The following DPP3 variants were observed in gnomAD, a reference collection of about 807,000 sequenced individuals.
DPP3 encodes the protein DPP III.
Under a neutral mutation model 89.8 loss-of-function variants are expected in DPP3, and 64 were observed. The observed-to-expected ratio is 0.71, with a 90% CI of 0.58 to 0.88. The LOEUF (loss-of-function observed/expected upper bound fraction) is 0.88. Among genes scored for constraint, DPP3 ranks in the 40% least tolerant of loss-of-function variants. The pLI is 0.00. For synonymous variants in DPP3, 377 were observed against 404.3 expected (o/e 0.93, Z 0.81); for missense variants, 835 against 972.5 (o/e 0.86, Z 1.88).
At chr11:66,503,506 G>T (rs1436281846) in intron 16 of DPP3, among the ~76,000 whole-genome samples, 1 of 152,174 alleles carries the variant, frequency 6.6e-6, no homozygotes, top group African/African-American at 2.4e-5. Flanking sequence ...GCCTGTAAGT[G>T]ACAGGGCCCA....
chr11:66,502,231 A>G (rs1453729101), intron 16 of DPP3, among the ~76,000 whole-genome samples: 1 of 151,966 alleles, frequency 6.6e-6, no homozygotes, highest in Non-Finnish European at 1.5e-5. Context: ...GTTTCCTTAG[A>G]TGGGGACAGC....
In DPP3 at chr11:66,495,195, G is replaced by C; in HGVS notation, c.1390-11G>C. 1 of 1,612,260 alleles carries C rather than the reference G, an allele frequency of 6.2e-7. No homozygotes were observed. The highest frequency in any genetic ancestry group is 8.5e-7 in the Non-Finnish European group (1 of 1,180,012). ...GGGGCGCCTTTCCCTCACCCACCGT[G>C]TGTTCTGCAGGACGAAAAAGGAGCA... On this transcript the variant is annotated splice_polypyrimidine_tract_variant and intron_variant, in intron 12 of 17. Transcript: ENST00000531863.
chr11:66,501,344 G>C lies in DPP3; in HGVS notation c.1879-3268G>C, dbSNP rs1006596759. On this transcript the variant is annotated intron_variant, in intron 16 of 17. Transcript: ENST00000531863. ...TGCTGCACTCCAGCCTGGGCAACAA[G>C]AGTGAAAATTACGTCTCAAAAAAAA... 2.1e-4 allele frequency among the ~76,000 whole-genome samples: 32 copies of C among 150,758 alleles called. 1 individual carries two copies. Among genetic ancestry groups the C allele is most frequent in the Admixed American group, 9.9e-4 (15 of 15,088 alleles).
At chr11:66,488,998 T>G (rs1192143598) in intron 6 of DPP3, among the ~76,000 whole-genome samples, 1 of 152,214 alleles carries the variant, frequency 6.6e-6, no homozygotes, top group African/African-American at 2.4e-5. Context: ...CCCCAGTAGC[T>G]GGGATTGCAG....
At position 66,489,862 on chromosome 11, in the gene DPP3, G is replaced by A. The variant is rs375863945; in HGVS notation, c.668-1391G>A. Among the ~76,000 whole-genome samples the A allele has an allele frequency of 3.9e-5, 6 of 152,284 alleles. No homozygotes were observed. In the East Asian group the frequency reaches 7.7e-4, roughly 20 times the overall value. ...CTCATGTGGCACCCTCCTATTGTTC[G>A]TGGTAGCTGGGCTCCAAGAGTGAGC... On this transcript the variant is annotated intron_variant, in intron 6 of 17. Transcript: ENST00000531863.
chr11:66,488,565 G>GAA (rs1040646975), intron 6 of DPP3, among the ~76,000 whole-genome samples: 8 of 104,416 alleles, frequency 7.7e-5, no homozygotes, highest in Admixed American at 1.1e-4. Context: ...CCAGATCAAG[G>GAA]AAAAAAAAAA....
intron 2 of DPP3, 113 bp downstream of exon 2, chr11:66,482,583 C>A: frequency 7.0e-7 from 1 of 1,429,016 alleles, no homozygotes; most frequent in Non-Finnish European, 9.4e-7. Flanking sequence ...CCAAAGGTTA[C>A]AAATTCAGGC....
intron 3 of DPP3, among the ~76,000 whole-genome samples, chr11:66,485,927 C>A (rs891896479): frequency 6.6e-6 from 1 of 150,428 alleles, no homozygotes; most frequent in Admixed American, 6.6e-5. Flanking sequence ...CTTTTCTTTT[C>A]TTTTCTTTTC....
At chr11:66,486,509 G>A (rs1216360171) in intron 3 of DPP3, 31 bp from the exon 4 acceptor site, 1 of 1,479,224 alleles carries the variant, frequency 6.8e-7, no homozygotes. Context: ...TGGGTGGTGT[G>A]ACTGGGCCAT....
chr11:66,505,725 A>G (rs971560863), intron 17 of DPP3, among the ~76,000 whole-genome samples: 18 of 151,508 alleles, frequency 1.2e-4, no homozygotes, highest in African/African-American at 4.1e-4. Flanking sequence ...GCCCCTGCCT[A>G]TAGTCCCAGC....
chr11:66,505,772 C>T (rs1855784277), intron 17 of DPP3, among the ~76,000 whole-genome samples: 1 of 144,078 alleles, frequency 6.9e-6, no homozygotes, highest in South Asian at 2.2e-4. Context: ...TGCTTGAGCC[C>T]AGGAGTTCAA....
chr11:66,495,606 G>T (rs1855513286), intron 14 of DPP3, 24 bp from the exon 15 acceptor site: 1 of 1,613,962 alleles, frequency 6.2e-7, no homozygotes, highest in African/African-American at 1.3e-5. Context: ...TGACCATCCT[G>T]CCACCTGCCT....
chr11:66,491,758 T>A lies in DPP3; in HGVS notation c.988+2T>A, dbSNP rs770984414. On this transcript the variant is annotated splice_donor_variant, in intron 9 of 17. Transcript: ENST00000531863. LOFTEE classifies it high-confidence loss of function. ...TTGGTTCCCGAGGAGAATTTGAAGG[T>A]AACTTCCTCAGGGAGGAGGTCAGTC... is the stretch of plus-strand genomic sequence containing the variant. The A allele has an allele frequency of 6.2e-7, 1 of 1,612,832 alleles. No homozygotes were observed. Among genetic ancestry groups the A allele is most frequent in the Non-Finnish European group, 8.5e-7 (1 of 1,179,786 alleles).
In DPP3 at chr11:66,486,747, G is replaced by T. The variant is rs1413959099; in HGVS notation, c.498+70G>T. 2.8e-6 allele frequency: 4 copies of T among 1,420,196 alleles called. No individual in the cohort carries two copies. In the African/African-American group the frequency reaches 4.4e-5, roughly 16 times the overall value. The allele number at this position is 1,420,196 out of a possible 1,614,324, so 88.0% of individuals were successfully genotyped here. A position where few individuals can be genotyped will look rare whatever the true frequency, so the allele number is the denominator to read the frequency against. ...CCTTCAAGGCCACCTGGTAAGGAGG[G>T]AAGGACACGGGATGGGGAGGCAGTG... On this transcript the variant is annotated intron_variant, in intron 4 of 17. Transcript: ENST00000531863.
In DPP3 at chr11:66,509,210, T is replaced by C. The variant is rs777187552; in HGVS notation, c.2173T>C (p.Phe725Leu). 3.1e-6 allele frequency: 5 copies of C among 1,613,970 alleles called. No individual in the cohort carries two copies. In the East Asian group the frequency reaches 1.1e-4, roughly 36 times the overall value. Reference protein sequence around the residue: ...LTQLATADARFWKGPSEAPSG... With the variant: ...LTQLATADARLWKGPSEAPSG... The stretch of plus-strand genomic sequence containing the variant: ...ACAGCTGGCCACAGCCGATGCCCGA[T>C]TCTGGAAGGGCCCCAGTGAGGCCCC... The change falls in exon 18 of 18, where the codon TTC (phenylalanine) becomes CTC (leucine). Residue 725 changes from phenylalanine (F) to leucine (L), a missense_variant. Phe to Leu is a conservative substitution (Grantham distance 22). Transcript: ENST00000531863.
Position 66,493,186 on chromosome 11 carries a change from G to T in DPP3, c.1296+7G>T. ...TCTGGAGGAGGATGACAAGGTGGGC[G>T]CCAGCAGTCGGAGGGTCGGGGCTGG... is the stretch of plus-strand genomic sequence containing the variant. On this transcript the variant is annotated splice_region_variant and intron_variant, in intron 11 of 17. Transcript: ENST00000531863. 6.2e-7 allele frequency: 1 copy of T among 1,612,006 alleles called. No homozygotes were observed. Among genetic ancestry groups the T allele is most frequent in the Non-Finnish European group, 8.5e-7 (1 of 1,179,050 alleles).
Position 66,491,772 on chromosome 11 carries a change from A to T in DPP3, c.988+16A>T. On this transcript the variant is annotated intron_variant, in intron 9 of 17. Coordinates refer to ENST00000531863, the MANE Select transcript of DPP3 (RefSeq NM_130443.4). ...GAATTTGAAGGTAACTTCCTCAGGG[A>T]GGAGGTCAGTCACAGTCCCTTCCCC... is the stretch of plus-strand genomic sequence containing the variant. 1.9e-6 allele frequency: 3 copies of T among 1,613,422 alleles called. No individual in the cohort carries two copies. The highest frequency in any genetic ancestry group is 2.5e-6 in the Non-Finnish European group (3 of 1,179,766).
chr11:66,486,113 A>G (rs986545287), intron 3 of DPP3, among the ~76,000 whole-genome samples: 6 of 151,920 alleles, frequency 3.9e-5, no homozygotes, highest in African/African-American at 1.5e-4. Context: ...GCTAATTTTT[A>G]AAAATTTTTT....
At position 66,492,783 on chromosome 11, in the gene DPP3, G is replaced by C. The variant is rs1855427106; in HGVS notation, c.1056G>C (p.Gln352His). The C allele has an allele frequency of 3.7e-6, 6 of 1,613,972 alleles. No homozygotes were observed. Among genetic ancestry groups the C allele is most frequent in the Non-Finnish European group, 5.1e-6 (6 of 1,179,948 alleles). Residue 352 changes from glutamine (Q) to histidine (H), a missense_variant, in exon 10 of 18, where the codon CAG becomes CAC. Physicochemically the swap from Gln to His is conservative, Grantham distance 24. Coordinates refer to ENST00000531863, the MANE Select transcript of DPP3 (RefSeq NM_130443.4). ...AGCGGCTGGTGGCGAGCGCAGAGCA[G>C]CTGCTGAAGGAGCTGCCCTGGCCCC... The part of the protein sequence containing the change: ...KFERLVASAE[Q>H]LLKELPWPPT...
Sources: gnomAD v4.1 joint callset for allele counts (sites outside exome capture counted in the v4.1 genomes callset) on GRCh38, gnomAD v4.1.1 for gene constraint, MANE v1.5 for transcripts, NCBI Gene and HGNC (gene_info 2026-07-23, HGNC 2026-07-21) for gene names.